The following UST variants were observed in gnomAD, a reference collection of about 807,000 sequenced individuals.
UST encodes the protein chondroitin sulfate 2-O-sulfotransferase.
Under a neutral mutation model 45.6 loss-of-function variants are expected in UST, and 21 were observed. That is an observed-to-expected ratio of 0.46 (90% CI 0.33 to 0.66). UST has a LOEUF of 0.66. UST is among the 30% of genes least tolerant of loss of function. The pLI, the probability that UST is intolerant of heterozygous loss-of-function variation, is 0.02. For missense variants in UST, 463 were observed against 512.4 expected, an observed-to-expected ratio of 0.90 and a Z score of 0.93; for synonymous variants, 215 against 200.6, an observed-to-expected ratio of 1.07 and a Z score of -0.61.
intron 1 of UST, among the ~76,000 whole-genome samples, chr6:148,794,933 C>A (rs1233732000): frequency 6.6e-6 from 1 of 152,168 alleles, no homozygotes; most frequent in Non-Finnish European, 1.5e-5. Context: ...AGGTCCACAG[C>A]CTCTTTGACG....
chr6:148,893,222 T>G (rs1779053123), intron 2 of UST, among the ~76,000 whole-genome samples: 1 of 152,198 alleles, frequency 6.6e-6, no homozygotes, highest in Non-Finnish European at 1.5e-5. Context: ...CGTTGTAAAA[T>G]GGGTTCATTA....
intron 1 of UST, among the ~76,000 whole-genome samples, chr6:148,792,616 ATG>A (rs1473085144): frequency 6.6e-6 from 1 of 152,172 alleles, no homozygotes; most frequent in African/African-American, 2.4e-5. Context: ...TCAGGCAGAG[ATG>A]TGTGTCTCAT....
chr6:148,835,725 A>G (rs1167127831), intron 1 of UST, among the ~76,000 whole-genome samples: 2 of 152,176 alleles, frequency 1.3e-5, no homozygotes, highest in East Asian at 3.8e-4. Flanking sequence ...GTGTTTTCCA[A>G]GATGAGGCCT....
At chr6:148,843,219 A>C (rs1266061818) in intron 1 of UST, among the ~76,000 whole-genome samples, 1 of 152,256 alleles carries the variant, frequency 6.6e-6, no homozygotes, top group African/African-American at 2.4e-5. Context: ...TTCCTATTAC[A>C]TTAGACAGCA....
intron 5 of UST, among the ~76,000 whole-genome samples, chr6:148,995,217 G>A (rs1210941931): frequency 6.6e-6 from 1 of 152,168 alleles, no homozygotes; most frequent in East Asian, 1.9e-4. Context: ...CAGAGTTGGG[G>A]TTTTGCCATT....
intron 7 of UST, among the ~76,000 whole-genome samples, chr6:149,037,803 C>T (rs1273851296): frequency 6.6e-6 from 1 of 152,224 alleles, no homozygotes; most frequent in African/African-American, 2.4e-5. Context: ...ACAAAAGTGT[C>T]AATCTGAAAT....
intron 2 of UST, among the ~76,000 whole-genome samples, chr6:148,907,168 A>G (rs1465287206): frequency 6.6e-6 from 1 of 152,234 alleles, no homozygotes; most frequent in Non-Finnish European, 1.5e-5. Context: ...TTTCACTTGT[A>G]TTCAGTCTGG....
Position 148,790,116 on chromosome 6 carries a change from G to A in UST, c.247+42439G>A, listed in dbSNP as rs909247437. ...TTGCTATCGTAGTTATCCTTGCAGC[G>A]GTGTCAGACTTTAGCTGCTTCCTGT... On this transcript the variant is annotated intron_variant, in intron 1 of 7. Coordinates refer to ENST00000367463, the MANE Select transcript of UST (RefSeq NM_005715.3). The surrounding 1 kb of genome is among the most constrained non-coding windows in gnomAD (Gnocchi z 4.2). 3.3e-5 allele frequency among the ~76,000 whole-genome samples: 5 copies of A among 151,836 alleles called. No individual in the cohort carries two copies. The highest frequency in any genetic ancestry group is 1.9e-4 in the East Asian group (1 of 5,146).
chr6:148,993,021 A>T, intron 5 of UST: 1 of 985,438 alleles, frequency 1.0e-6, no homozygotes, highest in Non-Finnish European at 1.2e-6. Flanking sequence ...GCTAATAACC[A>T]CTTGCTTCCT....
At chr6:148,965,373 A>C (rs1278244392) in intron 5 of UST, among the ~76,000 whole-genome samples, 1 of 152,154 alleles carries the variant, frequency 6.6e-6, no homozygotes, top group African/African-American at 2.4e-5. Flanking sequence ...TCTGTGTCTG[A>C]GAGAGCCCTT....
At chr6:148,969,662 C>T (rs565245774) in intron 5 of UST, among the ~76,000 whole-genome samples, 1 of 152,264 alleles carries the variant, frequency 6.6e-6, no homozygotes, top group South Asian at 2.1e-4. Context: ...CCTAAAGGGG[C>T]CATTTTTCCT....
intron 7 of UST, among the ~76,000 whole-genome samples, chr6:149,044,689 T>C (rs959755100): frequency 6.6e-6 from 1 of 152,170 alleles, no homozygotes; most frequent in African/African-American, 2.4e-5. Flanking sequence ...TGGCTCCAGC[T>C]TAATACCACC....
intron 2 of UST, among the ~76,000 whole-genome samples, chr6:148,940,189 C>T (rs565249545): frequency 4.0e-5 from 6 of 151,790 alleles, no homozygotes; most frequent in Non-Finnish European, 7.4e-5. Flanking sequence ...AATAAACAAC[C>T]AAAAAGACAG....
Position 148,747,484 on chromosome 6 carries a change from G to A in UST, c.54G>A (p.Gly18=). ...PGGGADPWPH[G]APMGGAPPGL... ...GCGGCGCGGATCCCTGGCCCCATGG[G>A]GCCCCTATGGGGGGCGCCCCTCCGG... Residue 18 remains glycine (G), a synonymous_variant, in exon 1 of 8, where the codon GGG becomes GGA. Coordinates refer to ENST00000367463, the MANE Select transcript of UST (RefSeq NM_005715.3). 6.7e-7 allele frequency: 1 copy of A among 1,493,032 alleles called. No individual in the cohort carries two copies. Among genetic ancestry groups the A allele is most frequent in the Non-Finnish European group, 8.9e-7 (1 of 1,121,120 alleles). 92.5% of individuals were successfully genotyped at this position (1,493,032 alleles called of 1,614,324 possible).
chr6:148,846,362 C>A (rs887149599), intron 1 of UST, among the ~76,000 whole-genome samples: 15 of 151,892 alleles, frequency 9.9e-5, no homozygotes, highest in Admixed American at 9.8e-4. Flanking sequence ...AAACCAAACA[C>A]TGCATGTTCT....
chr6:148,970,733 G>A (rs1780898099), intron 5 of UST, among the ~76,000 whole-genome samples: 1 of 152,160 alleles, frequency 6.6e-6, no homozygotes, highest in Non-Finnish European at 1.5e-5. Context: ...CAGTGCCCAG[G>A]CTGCCCAGGG....
At chr6:149,068,548 CT>C (rs1373676952) in intron 7 of UST, among the ~76,000 whole-genome samples, 2 of 152,230 alleles carry the variant, frequency 1.3e-5, no homozygotes, top group Non-Finnish European at 2.9e-5. Context: ...TATCAGTTAA[CT>C]AATCGTGCAA....
At chr6:149,045,839 A>G (rs967188740) in intron 7 of UST, among the ~76,000 whole-genome samples, 4 of 152,198 alleles carry the variant, frequency 2.6e-5, no homozygotes, top group South Asian at 2.1e-4. Context: ...ATTACTCCAC[A>G]GTGCCACAAT....
chr6:148,860,593 T>C (rs944115776), intron 1 of UST, among the ~76,000 whole-genome samples: 5 of 152,348 alleles, frequency 3.3e-5, no homozygotes, highest in African/African-American at 1.2e-4. Flanking sequence ...AGGGAATGCT[T>C]CCAGTTTTTG....
Sources: allele counts gnomAD v4.1 joint callset (sites outside exome capture counted in the v4.1 genomes callset), GRCh38; gene constraint gnomAD v4.1.1; non-coding constraint Gnocchi (gnomAD v3.1); transcripts MANE v1.5; gene names NCBI Gene and HGNC (gene_info 2026-07-23, HGNC 2026-07-21).